The following INPP4B variants were observed in gnomAD, a reference collection of about 807,000 sequenced individuals.
INPP4B encodes the protein inositol polyphosphate 4-phosphatase type II.
In INPP4B, 55 loss-of-function variants were observed where a neutral mutation model predicts 122.5. The ratio of observed to expected loss-of-function variants is 0.45; its 90% CI spans 0.36 to 0.56. The LOEUF (loss-of-function observed/expected upper bound fraction) is 0.56, where lower values mean the gene tolerates loss of function less well. INPP4B is among the 20% of genes least tolerant of loss of function. The pLI, the probability that INPP4B is intolerant of heterozygous loss-of-function variation, is 0.00. For synonymous variants in INPP4B, 403 were observed against 388.7 expected (o/e 1.04, Z -0.43); for missense variants, 1,000 against 1,097.7 (o/e 0.91, Z 1.26).
At chr4:142,363,091 C>T (rs1023511349) in intron 7 of INPP4B, among the ~76,000 whole-genome samples, 78 of 151,962 alleles carry the variant, frequency 5.1e-4, no homozygotes, top group South Asian at 2.1e-4. Context: ...ATGCCTTTGG[C>T]GCCATTTAGC....
chr4:142,276,778 C>G (rs997474469), intron 9 of INPP4B, among the ~76,000 whole-genome samples: 2 of 151,740 alleles, frequency 1.3e-5, no homozygotes, highest in Non-Finnish European at 2.9e-5. Flanking sequence ...CTGTTTACTG[C>G]TATAAACAGT....
At chr4:142,337,735 T>TTATATATATTATATATTTTATATATA (rs1777244559) in intron 7 of INPP4B, among the ~76,000 whole-genome samples, 1 of 75,400 alleles carries the variant, frequency 1.3e-5, no homozygotes, top group East Asian at 6.4e-4. Flanking sequence ...TTTATATATA[T>TTATATATATTATATATTTTATATATA]TTATATATAT....
Position 142,160,449 on chromosome 4 carries a change from C to A in INPP4B, c.1472G>T (p.Ser491Ile). ...ILKKPPSPKS[S>I]TEESSPQDQP... ...GTCTTGGGGACTGCTCTCCTCTGTGCTGCTCTTAGGAGAGGGTGGCTTCTT... is the reference window on the plus strand; with the variant it reads ...GTCTTGGGGACTGCTCTCCTCTGTGATGCTCTTAGGAGAGGGTGGCTTCTT... Residue 491 changes from serine (S) to isoleucine (I), a missense_variant, in exon 17 of 26, where the codon AGC (serine) becomes ATC (isoleucine). Ser to Ile is a moderately radical substitution (Grantham distance 142). Transcript: ENST00000262992. 6.2e-7 allele frequency: 1 copy of A among 1,612,488 alleles called. No individual in the cohort carries two copies. The highest frequency in any genetic ancestry group is 8.5e-7 in the Non-Finnish European group (1 of 1,179,026).
intron 5 of INPP4B, among the ~76,000 whole-genome samples, chr4:142,410,167 T>C (rs1804297502): frequency 6.6e-6 from 1 of 152,212 alleles, no homozygotes; most frequent in Non-Finnish European, 1.5e-5. Flanking sequence ...AGAACACAAC[T>C]GTTCATTCAG....
chr4:142,635,435 T>C (rs1748922957), intron 2 of INPP4B, among the ~76,000 whole-genome samples: 2 of 152,078 alleles, frequency 1.3e-5, no homozygotes, highest in African/African-American at 4.8e-5. Context: ...CTATTCACAA[T>C]AGCAAAGACA....
At chr4:142,123,198 G>C (rs997407116) in intron 20 of INPP4B, 94 bp downstream of exon 20, 4 of 1,059,488 alleles carry the variant, frequency 3.8e-6, no homozygotes, top group Admixed American at 2.6e-5. Flanking sequence ...CACAATAAAG[G>C]TTTACTTATT....
intron 23 of INPP4B, among the ~76,000 whole-genome samples, chr4:142,104,083 G>A (rs544707982): frequency 8.5e-5 from 13 of 152,142 alleles, no homozygotes; most frequent in South Asian, 2.1e-4. Flanking sequence ...CATTAGAGCC[G>A]TATGACAATA....
chr4:142,687,584 CCTT>C (rs1216195105), intron 2 of INPP4B, among the ~76,000 whole-genome samples: 4 of 132,286 alleles, frequency 3.0e-5, no homozygotes, highest in Non-Finnish European at 6.4e-5. Context: ...AAAAAAAAAT[CCTT>C]GAAGGAAAAA....
chr4:142,481,950 A>G (rs1820606855), intron 2 of INPP4B, among the ~76,000 whole-genome samples: 1 of 152,194 alleles, frequency 6.6e-6, no homozygotes. Context: ...CAGCTATAGA[A>G]TTAAAAGCCA....
At position 142,114,976 on chromosome 4, in the gene INPP4B, G is replaced by A. The variant is rs140653292; in HGVS notation, c.2136-2294C>T. 8.0e-3 allele frequency among the ~76,000 whole-genome samples: 1,211 copies of A among 152,132 alleles called. 17 individuals are homozygous for A. The highest frequency in any genetic ancestry group is 0.027 in the African/African-American group (1,119 of 41,520). ...TAGAGAAGACCTTAAATGACCTGAT[G>A]GAGCTGAAAACCACGGCACAAGAAC... On this transcript the variant is annotated intron_variant, in intron 21 of 25. Coordinates refer to ENST00000262992, the MANE Select transcript of INPP4B (RefSeq NM_001101669.3).
intron 2 of INPP4B, among the ~76,000 whole-genome samples, chr4:142,713,576 C>T (rs946810026): frequency 6.6e-6 from 1 of 152,214 alleles, no homozygotes; most frequent in South Asian, 2.1e-4. Context: ...TGAACATTCT[C>T]TGAAAGTCAC....
At chr4:142,513,171 C>T (rs535368176) in intron 2 of INPP4B, among the ~76,000 whole-genome samples, 3 of 152,238 alleles carry the variant, frequency 2.0e-5, no homozygotes, top group African/African-American at 7.2e-5. Flanking sequence ...GGACACTATT[C>T]TAGATTCTGC....
chr4:142,811,149 G>A (rs545496442), intron 1 of INPP4B, among the ~76,000 whole-genome samples: 2 of 152,318 alleles, frequency 1.3e-5, no homozygotes, highest in Non-Finnish European at 2.9e-5. Flanking sequence ...GGGGCTCGAT[G>A]CAGTGCTGGT....
Position 142,082,151 on chromosome 4 carries a change from C to T in INPP4B, c.2522G>A (p.Cys841Tyr). 6.5e-7 allele frequency: 1 copy of T among 1,533,954 alleles called. No individual in the cohort carries two copies. Among genetic ancestry groups the T allele is most frequent in the Non-Finnish European group, 8.9e-7 (1 of 1,122,046 alleles). The change falls in exon 25 of 26, where the codon TGT (cysteine) becomes TAT (tyrosine). Residue 841 changes from cysteine to tyrosine, a missense_variant. Cys to Tyr is a radical substitution (Grantham distance 194, BLOSUM62 -2). Transcript: ENST00000262992. ...CRKLNGIRFT[C>Y]CKSAKDRTSM... ...TGTCCTGTCTTTGGCACTTTTACAA[C>T]AGGTGAAACGAATACCATTCAGTTT...
intron 1 of INPP4B, among the ~76,000 whole-genome samples, chr4:142,746,828 G>A (rs1024096021): frequency 5.3e-5 from 8 of 152,110 alleles, no homozygotes; most frequent in Admixed American, 2.0e-4. Flanking sequence ...TATGCAGAAA[G>A]CTGAAACTGG....
chr4:142,335,540 A>C (rs1776296394), intron 7 of INPP4B, among the ~76,000 whole-genome samples: 1 of 152,194 alleles, frequency 6.6e-6, no homozygotes, highest in African/African-American at 2.4e-5. Context: ...TACTGGTGCA[A>C]GTCTAATGGA....
At chr4:142,036,227 G>A (rs1743850590) in intron 25 of INPP4B, among the ~76,000 whole-genome samples, 1 of 151,856 alleles carries the variant, frequency 6.6e-6, no homozygotes, top group Non-Finnish European at 1.5e-5. Context: ...CTCCTAATCT[G>A]TCTAGTTTTA....
At chr4:142,179,561 T>TGAAAAGTGATGCTAATAG (rs1553998346) in intron 15 of INPP4B, among the ~76,000 whole-genome samples, 2 of 143,968 alleles carry the variant, frequency 1.4e-5, no homozygotes, top group Non-Finnish European at 3.0e-5. Context: ...ATTAGCTCTG[T>TGAAAAGTGATGCTAATAG]GAAAAAAAAA....
chr4:142,040,310 A>G (rs764865096), intron 25 of INPP4B, among the ~76,000 whole-genome samples: 1 of 152,198 alleles, frequency 6.6e-6, no homozygotes, highest in African/African-American at 2.4e-5. Flanking sequence ...AGCTTCCCCA[A>G]AGATTCTCCT....
Sources: allele counts gnomAD v4.1 joint callset (sites outside exome capture counted in the v4.1 genomes callset), GRCh38; gene constraint gnomAD v4.1.1; transcripts MANE v1.5; gene names NCBI Gene and HGNC (gene_info 2026-07-23, HGNC 2026-07-21).